The following CNTNAP5 variants were observed in gnomAD, a reference collection of about 807,000 sequenced individuals.
CNTNAP5 encodes the protein contactin-associated protein-like 5.
In CNTNAP5, 72 loss-of-function variants were observed where a neutral mutation model predicts 150.2. The observed-to-expected ratio is 0.48, with a 90% confidence interval of 0.40 to 0.58. CNTNAP5 has a LOEUF of 0.58. Ranked by LOEUF, CNTNAP5 falls within the 20% of genes least tolerant of loss-of-function variation. The probability of loss-of-function intolerance (pLI) is 0.00; values close to 1 mark genes in which losing one functional copy is unlikely to be tolerated. For missense variants in CNTNAP5, 1,636 were observed against 1,626.2 expected (o/e 1.01, Z -0.10); for synonymous variants, 672 against 619.8 (o/e 1.08, Z -1.25).
chr2:124,780,019 G>C (rs1242436756), intron 17 of CNTNAP5, among the ~76,000 whole-genome samples: 1 of 152,056 alleles, frequency 6.6e-6, no homozygotes, highest in Non-Finnish European at 1.5e-5. Context: ...AAATCTAATG[G>C]ATTAATGAAA....
At position 124,305,715 on chromosome 2, in the gene CNTNAP5, T is replaced by G. The variant is rs552092691; in HGVS notation, c.381+63322T>G. 8.5e-5 allele frequency among the ~76,000 whole-genome samples: 13 copies of G among 152,328 alleles called. No homozygotes were observed. In the South Asian group the frequency reaches 2.1e-3, roughly 24 times the overall value. On this transcript the variant is annotated intron_variant, in intron 3 of 23. Coordinates refer to ENST00000682447, the MANE Select transcript of CNTNAP5 (RefSeq NM_001367498.1). ...CACTTCTTGCCCTTTTGCTCTTTCA[T>G]TCTCTCTTGCCTTTCTGCTTTACAT...
At chr2:124,737,459 T>C (rs992222008) in intron 13 of CNTNAP5, among the ~76,000 whole-genome samples, 2 of 152,056 alleles carry the variant, frequency 1.3e-5, no homozygotes, top group African/African-American at 4.8e-5. Context: ...TCAAAGAGCA[T>C]GTGCGAGGGC....
intron 11 of CNTNAP5, among the ~76,000 whole-genome samples, chr2:124,569,373 A>T (rs535794899): frequency 2.5e-4 from 38 of 152,088 alleles, no homozygotes; most frequent in Non-Finnish European, 2.2e-4. Flanking sequence ...AAAAAAAGAG[A>T]TTTTTTTCAG....
chr2:124,381,535 C>T (rs568635915), intron 3 of CNTNAP5, among the ~76,000 whole-genome samples: 2 of 152,010 alleles, frequency 1.3e-5, no homozygotes, highest in Non-Finnish European at 2.9e-5. Flanking sequence ...TAGGATCACC[C>T]CCCCCTCCAA....
At chr2:124,470,099 A>T (rs908189134) in intron 6 of CNTNAP5, among the ~76,000 whole-genome samples, 1 of 152,118 alleles carries the variant, frequency 6.6e-6, no homozygotes, top group African/African-American at 2.4e-5. Flanking sequence ...CCAGTAATTA[A>T]ATTGCTGATT....
At position 124,439,748 on chromosome 2, in the gene CNTNAP5, C is replaced by T. The variant is rs184381277; in HGVS notation, c.733+5061C>T. On this transcript the variant is annotated intron_variant, in intron 5 of 23. Transcript: ENST00000682447. Reference sequence around the variant, plus strand: ...GACCATTCAATAGCTTTGCGTATTGCCCAACAAAGTTGAAAGGGGGTACCT... The same window carrying T: ...GACCATTCAATAGCTTTGCGTATTGTCCAACAAAGTTGAAAGGGGGTACCT... Among the ~76,000 whole-genome samples the T allele has an allele frequency of 1.7e-4, 26 of 152,236 alleles. No individual in the cohort carries two copies. The East Asian group carries it at 4.5e-3, about 26-fold the overall frequency.
At chr2:124,214,419 T>G (rs1456580012) in intron 1 of CNTNAP5, among the ~76,000 whole-genome samples, 1 of 152,206 alleles carries the variant, frequency 6.6e-6, no homozygotes, top group African/African-American at 2.4e-5. Context: ...CAGTCACTAT[T>G]GCAGTGCAGG....
chr2:124,242,649 A>C (rs1367587542), intron 3 of CNTNAP5, among the ~76,000 whole-genome samples: 1 of 152,130 alleles, frequency 6.6e-6, no homozygotes, highest in African/African-American at 2.4e-5. Context: ...ACTGAGCCTC[A>C]CTTTCTTCAT....
intron 5 of CNTNAP5, among the ~76,000 whole-genome samples, chr2:124,442,866 T>C (rs958636651): frequency 3.3e-5 from 5 of 152,310 alleles, no homozygotes; most frequent in African/African-American, 9.6e-5. Context: ...CTTATTCTTA[T>C]TAAAAGAAAT....
intron 13 of CNTNAP5, among the ~76,000 whole-genome samples, chr2:124,701,336 T>C (rs77135820): frequency 0.014 from 2,094 of 152,234 alleles, 55 homozygotes; most frequent in African/African-American, 0.048. Context: ...CTCATCTATG[T>C]TGTGACAAAT....
intron 7 of CNTNAP5, among the ~76,000 whole-genome samples, chr2:124,480,694 T>C (rs974555434): frequency 6.6e-6 from 1 of 152,222 alleles, no homozygotes; most frequent in Non-Finnish European, 1.5e-5. Flanking sequence ...CTGTGATAAA[T>C]GATACTTTCT....
intron 13 of CNTNAP5, among the ~76,000 whole-genome samples, chr2:124,738,694 G>A (rs1680437580): frequency 6.6e-6 from 1 of 150,486 alleles, no homozygotes; most frequent in South Asian, 2.1e-4. Flanking sequence ...TTATGCCACT[G>A]TACTCTAGCC....
intron 3 of CNTNAP5, among the ~76,000 whole-genome samples, chr2:124,295,216 T>C (rs1688392481): frequency 2.6e-5 from 4 of 151,922 alleles, no homozygotes; most frequent in African/African-American, 4.8e-5. Context: ...TTTTTTTTTT[T>C]TTCTTTTTTT....
intron 1 of CNTNAP5, among the ~76,000 whole-genome samples, chr2:124,066,307 C>T (rs2104658916): frequency 6.6e-6 from 1 of 152,252 alleles, no homozygotes; most frequent in Admixed American, 6.5e-5. Context: ...AGCCAGATTA[C>T]TTTTTGAAAA....
At chr2:124,137,914 G>C (rs999804561) in intron 1 of CNTNAP5, among the ~76,000 whole-genome samples, 1 of 152,128 alleles carries the variant, frequency 6.6e-6, no homozygotes, top group Non-Finnish European at 1.5e-5. Flanking sequence ...AAGCCAAGGA[G>C]ATGCCCTGCA....
intron 21 of CNTNAP5, among the ~76,000 whole-genome samples, chr2:124,887,291 C>A (rs1464491286): frequency 1.3e-5 from 2 of 152,016 alleles, no homozygotes; most frequent in African/African-American, 4.8e-5. Flanking sequence ...TGTGCTTTGT[C>A]TATGCTTCTA....
At chr2:124,168,122 G>A (rs1417348345) in intron 1 of CNTNAP5, among the ~76,000 whole-genome samples, 5 of 152,238 alleles carry the variant, frequency 3.3e-5, no homozygotes, top group South Asian at 2.1e-4. Context: ...ATTAGTTAAC[G>A]TGATAAATGG....
intron 7 of CNTNAP5, among the ~76,000 whole-genome samples, chr2:124,499,453 G>A (rs1694228325): frequency 6.6e-6 from 1 of 152,204 alleles, no homozygotes; most frequent in Non-Finnish European, 1.5e-5. Flanking sequence ...GGCAAAAGTG[G>A]GGATGGAGGG....
At chr2:124,527,544 C>A in intron 10 of CNTNAP5, 88 bp downstream of exon 10, 1 of 1,063,514 alleles carries the variant, frequency 9.4e-7, no homozygotes, top group Non-Finnish European at 1.3e-6. Flanking sequence ...AAATTCTAAT[C>A]CACCGACATT....
Sources: gnomAD v4.1 joint callset for allele counts (sites outside exome capture counted in the v4.1 genomes callset) on GRCh38, gnomAD v4.1.1 for gene constraint, MANE v1.5 for transcripts, NCBI Gene and HGNC (gene_info 2026-07-23, HGNC 2026-07-21) for gene names.